FSAF1: variants seen among roughly 807,000 people sequenced by gnomAD.
The protein encoded by FSAF1 is uncharacterized protein C1orf131.
the FSAF1 span, among the ~76,000 whole-genome samples, chr1:231,234,438 C>T: frequency 1.3e-5 from 2 of 152,160 alleles, no homozygotes; most frequent in East Asian, 1.9e-4. This position sits in a 1 kb window ranked among gnomAD's most constrained non-coding sequence, Gnocchi z 4.0. Flanking sequence ...TTCTTCCTTA[C>T]AGGCAGCCTT....
the FSAF1 span, among the ~76,000 whole-genome samples, chr1:231,229,612 A>C: frequency 6.6e-6 from 1 of 152,356 alleles, no homozygotes; most frequent in South Asian, 2.1e-4. Context: ...CAACAGATGG[A>C]CAGATACTTT....
the FSAF1 span, chr1:231,224,545 A>C: frequency 2.4e-6 from 2 of 838,676 alleles, no homozygotes; most frequent in Non-Finnish European, 3.6e-6. Context: ...CCCCCACCCC[A>C]TACGCCTTCC....
At chr1:231,235,147 G>A in the FSAF1 span, among the ~76,000 whole-genome samples, 1 of 152,180 alleles carries the variant, frequency 6.6e-6, no homozygotes, top group Non-Finnish European at 1.5e-5. Flanking sequence ...ATAAATGGAG[G>A]AATGAATATG....
At chr1:231,229,075 T>C in the FSAF1 span, 1 of 855,690 alleles carries the variant, frequency 1.2e-6, no homozygotes, top group Non-Finnish European at 1.8e-6. Context: ...ATAAATTTAA[T>C]ATAAACATAC....
chr1:231,229,018 C>A, the FSAF1 span: 1 of 544,490 alleles, frequency 1.8e-6, no homozygotes, highest in South Asian at 3.6e-5. Context: ...TTTTATAATA[C>A]CTAACATCTA....
chr1:231,226,780 T>A, the FSAF1 span: 1 of 1,611,308 alleles, frequency 6.2e-7, no homozygotes, highest in Admixed American at 1.7e-5. Context: ...TTTTCTTTAA[T>A]TTGCTCCTGT....
chr1:231,224,177 G>A, the FSAF1 span: 2 of 1,305,490 alleles, frequency 1.5e-6, no homozygotes, highest in African/African-American at 1.5e-5. Context: ...AAAGCAGTCT[G>A]TGAAATGCGT....
At chr1:231,228,351 C>T in the FSAF1 span, among the ~76,000 whole-genome samples, 2 of 152,174 alleles carry the variant, frequency 1.3e-5, no homozygotes, top group Non-Finnish European at 2.9e-5. Context: ...GTAATCCCAA[C>T]ACTTTGGGAG....
At chr1:231,226,553 T>C in the FSAF1 span, 4 of 625,796 alleles carry the variant, frequency 6.4e-6, no homozygotes, top group Admixed American at 5.8e-5. Flanking sequence ...AAATCTTGCA[T>C]GTAAGTACGC....
the FSAF1 span, chr1:231,237,516 G>A: frequency 2.0e-5 from 3 of 152,216 alleles, 1 homozygote; most frequent in Admixed American, 2.0e-4. Context: ...ATGAGACTCA[G>A]GGACACAGGG....
the FSAF1 span, chr1:231,237,815 TG>T: frequency 6.6e-6 from 1 of 152,212 alleles, no homozygotes; most frequent in Non-Finnish European, 1.5e-5. Flanking sequence ...TTGCAGGACG[TG>T]GGGGATGTTA....
At chr1:231,241,011 A>AC in the FSAF1 span, 2 of 1,609,362 alleles carry the variant, frequency 1.2e-6, no homozygotes, top group Admixed American at 1.7e-5. Context: ...GGCTCCTGGG[A>AC]CCCCGCACTC....
At chr1:231,225,644 G>C in the FSAF1 span, 1 of 881,690 alleles carries the variant, frequency 1.1e-6, no homozygotes, top group Non-Finnish European at 1.8e-6. Flanking sequence ...TTTCAAGTGG[G>C]CATATTAAAC....
At chr1:231,235,348 T>C in the FSAF1 span, among the ~76,000 whole-genome samples, 3 of 152,080 alleles carry the variant, frequency 2.0e-5, no homozygotes, top group African/African-American at 7.2e-5. Flanking sequence ...AATACAAAAG[T>C]TAGCTGGGCA....
At chr1:231,225,526 G>A in the FSAF1 span, 1 of 1,612,220 alleles carries the variant, frequency 6.2e-7, no homozygotes, top group Non-Finnish European at 8.5e-7. Context: ...TCTTGGGCCT[G>A]ATTTCAGAAT....
At chr1:231,235,110 G>A in the FSAF1 span, among the ~76,000 whole-genome samples, 3 of 152,228 alleles carry the variant, frequency 2.0e-5, no homozygotes, top group Non-Finnish European at 4.4e-5. Flanking sequence ...AAGGTCTGCA[G>A]ACAGCAGGCA....
At chr1:231,224,323 G>C in the FSAF1 span, 4 of 1,613,304 alleles carry the variant, frequency 2.5e-6, no homozygotes, top group Non-Finnish European at 3.4e-6. Context: ...ATATCAACTG[G>C]GCTCAGAATC....
the FSAF1 span, chr1:231,239,030 C>T: frequency 6.2e-7 from 1 of 1,614,138 alleles, no homozygotes; most frequent in Non-Finnish European, 8.5e-7. Flanking sequence ...TCTCTAAGTT[C>T]CTTGAAGAAG....
At chr1:231,232,715 A>G in the FSAF1 span, among the ~76,000 whole-genome samples, 1 of 152,244 alleles carries the variant, frequency 6.6e-6, no homozygotes, top group African/African-American at 2.4e-5. Context: ...AAGAAAAGCT[A>G]GAAAAAGAAA....
Sources: allele counts gnomAD v4.1 joint callset (sites outside exome capture counted in the v4.1 genomes callset), GRCh38; gene constraint gnomAD v4.1.1; non-coding constraint Gnocchi (gnomAD v3.1); transcripts MANE v1.5; gene names NCBI Gene and HGNC (gene_info 2026-07-23, HGNC 2026-07-21).